TRIM5: variants seen among roughly 807,000 people sequenced by gnomAD.
TRIM5 encodes tripartite motif-containing protein 5.
In TRIM5, 31 loss-of-function variants were observed where a neutral mutation model predicts 35.6. That is an observed-to-expected ratio of 0.87 (90% CI 0.65 to 1.18). TRIM5 has a LOEUF of 1.18. Among genes scored for constraint, TRIM5 ranks in the 50% most tolerant of loss-of-function variants. The pLI is 0.00. For missense variants in TRIM5, 609 were observed against 591.6 expected (o/e 1.03, Z -0.31); for synonymous variants, 243 against 215.6 (o/e 1.13, Z -1.11).
chr11:5,682,329 G>C (rs928018342), intron 1 of TRIM5, among the ~76,000 whole-genome samples: 4 of 152,010 alleles, frequency 2.6e-5, no homozygotes, highest in Non-Finnish European at 5.9e-5. Context: ...CCTGCTCTTC[G>C]TATCTCACCT....
At chr11:5,681,815 T>C (rs1852482038) in intron 1 of TRIM5, among the ~76,000 whole-genome samples, 1 of 152,198 alleles carries the variant, frequency 6.6e-6, no homozygotes, top group South Asian at 2.1e-4. Context: ...TTTTTCTTTT[T>C]TGAGACGGAG....
intron 4 of TRIM5, among the ~76,000 whole-genome samples, chr11:5,676,800 A>G (rs1055099984): frequency 2.0e-5 from 3 of 151,298 alleles, no homozygotes; most frequent in Admixed American, 6.6e-5. Context: ...ATAACGACGC[A>G]TATCTACAAC....
intron 4 of TRIM5, among the ~76,000 whole-genome samples, chr11:5,671,070 A>C (rs1358464327): frequency 6.6e-6 from 1 of 152,082 alleles, no homozygotes; most frequent in African/African-American, 2.4e-5. Context: ...TACAAAAAAT[A>C]CAAAAATTAG....
At chr11:5,670,098 G>C (rs985125694) in intron 4 of TRIM5, among the ~76,000 whole-genome samples, 1 of 150,690 alleles carries the variant, frequency 6.6e-6, no homozygotes, top group African/African-American at 2.4e-5. Flanking sequence ...GCAGAAAGGA[G>C]AACTTCTAAG....
chr11:5,631,037 C>T, the TRIM5 span, among the ~76,000 whole-genome samples: 2 of 152,214 alleles, frequency 1.3e-5, no homozygotes, highest in African/African-American at 4.8e-5. Context: ...TGGGACATCT[C>T]TCTCATGGCC....
the TRIM5 span, among the ~76,000 whole-genome samples, chr11:5,647,672 G>A: frequency 5.3e-5 from 8 of 152,150 alleles, no homozygotes; most frequent in Non-Finnish European, 1.2e-4. Flanking sequence ...ACAGGCACAC[G>A]CCACCATGCC....
At chr11:5,642,832 G>A in the TRIM5 span, 109 of 1,613,830 alleles carry the variant, frequency 6.8e-5, no homozygotes, top group Middle Eastern at 6.6e-4. Context: ...ACAGCTGTCC[G>A]GTGCTACTGG....
chr11:5,655,860 T>G, the TRIM5 span, among the ~76,000 whole-genome samples: 1 of 152,230 alleles, frequency 6.6e-6, no homozygotes, highest in Non-Finnish European at 1.5e-5. Flanking sequence ...GCCACACATC[T>G]ACAACCATCT....
the TRIM5 span, among the ~76,000 whole-genome samples, chr11:5,657,535 TTA>T: frequency 1.6e-5 from 2 of 126,740 alleles, no homozygotes; most frequent in African/African-American, 6.8e-5. Flanking sequence ...TATATATTAT[TTA>T]TATATTATAT....
At chr11:5,604,672 T>G in the TRIM5 span, 1 of 1,595,372 alleles carries the variant, frequency 6.3e-7, no homozygotes, top group South Asian at 1.2e-5. Flanking sequence ...GCAGGAATCA[T>G]GGCAGGTCAT....
At chr11:5,621,094 T>C in the TRIM5 span, among the ~76,000 whole-genome samples, 4,392 of 152,302 alleles carry the variant, frequency 0.029, 213 homozygotes, top group African/African-American at 0.1. Flanking sequence ...CACTCATCCA[T>C]AGCAACTGGA....
the TRIM5 span, among the ~76,000 whole-genome samples, chr11:5,630,429 G>A: frequency 6.6e-6 from 1 of 152,098 alleles, no homozygotes; most frequent in African/African-American, 2.4e-5. Flanking sequence ...TCATTGGAAA[G>A]AGACTGTCAC....
the TRIM5 span, among the ~76,000 whole-genome samples, chr11:5,652,651 C>CT: frequency 6.6e-6 from 1 of 151,960 alleles, no homozygotes; most frequent in African/African-American, 2.4e-5. Context: ...ATTTGGGTTC[C>CT]TTTTTTTATT....
At chr11:5,673,942 A>C (rs549390497) in intron 4 of TRIM5, among the ~76,000 whole-genome samples, 1 of 152,240 alleles carries the variant, frequency 6.6e-6, no homozygotes, top group Non-Finnish European at 1.5e-5. Context: ...ATCAGAAAAA[A>C]AAAGATTTCA....
chr11:5,644,865 G>A, the TRIM5 span, among the ~76,000 whole-genome samples: 1 of 152,204 alleles, frequency 6.6e-6, no homozygotes, highest in Non-Finnish European at 1.5e-5. Context: ...TGGATCATGG[G>A]GGCCTCATGG....
the TRIM5 span, chr11:5,645,892 T>TAG: frequency 5.4e-5 from 9 of 166,406 alleles, no homozygotes; most frequent in African/African-American, 2.5e-4. Context: ...TATATATATA[T>TAG]ATATCTATAT....
the TRIM5 span, among the ~76,000 whole-genome samples, chr11:5,654,194 T>C: frequency 6.6e-6 from 1 of 152,204 alleles, no homozygotes; most frequent in East Asian, 1.9e-4. Flanking sequence ...TGAAGAATTG[T>C]GTTCCTTTGG....
At chr11:5,627,041 C>T in the TRIM5 span, among the ~76,000 whole-genome samples, 1 of 152,080 alleles carries the variant, frequency 6.6e-6, no homozygotes, top group African/African-American at 2.4e-5. Context: ...AAGGTGATCA[C>T]TCTGTCTACT....
At chr11:5,609,997 C>T in the TRIM5 span, 11 of 720,850 alleles carry the variant, frequency 1.5e-5, no homozygotes, top group Admixed American at 1.2e-4. Flanking sequence ...TCTTCTGGCT[C>T]CAGTGCCAGG....
Sources: allele counts gnomAD v4.1 joint callset (sites outside exome capture counted in the v4.1 genomes callset), GRCh38; gene constraint gnomAD v4.1.1; transcripts MANE v1.5; gene names NCBI Gene and HGNC (gene_info 2026-07-23, HGNC 2026-07-21).